The following ATP6V0A1 variants were observed in gnomAD, a reference collection of about 807,000 sequenced individuals.
The protein encoded by ATP6V0A1 is ATPase H+ transporting V0 subunit a1.
ATP6V0A1 carries 43 observed loss-of-function variants against 105.4 expected under a neutral mutation model. The observed-to-expected ratio is 0.41, with a 90% CI of 0.32 to 0.53. The LOEUF is 0.53. Among genes scored for constraint, ATP6V0A1 ranks in the 20% least tolerant of loss-of-function variants. ATP6V0A1 has a pLI of 0.30. For missense variants in ATP6V0A1, 676 were observed against 1,051.1 expected (o/e 0.64, Z 4.93); for synonymous variants, 362 against 372.8 (o/e 0.97, Z 0.33).
intron 21 of ATP6V0A1, among the ~76,000 whole-genome samples, chr17:42,516,984 A>G (rs1208933850): frequency 6.6e-6 from 1 of 152,226 alleles, no homozygotes; most frequent in Non-Finnish European, 1.5e-5. Flanking sequence ...CTCTGCTTAA[A>G]AGTGGGATGC....
At chr17:42,472,252 C>T (rs1419733982) in intron 5 of ATP6V0A1, among the ~76,000 whole-genome samples, 1 of 151,390 alleles carries the variant, frequency 6.6e-6, no homozygotes, top group Non-Finnish European at 1.5e-5. Flanking sequence ...CAGCGTTTCA[C>T]CATGTTGGCC....
At chr17:42,463,663 ATT>A in intron 2 of ATP6V0A1, among the ~76,000 whole-genome samples, 2 of 152,106 alleles carry the variant, frequency 1.3e-5, no homozygotes, top group Middle Eastern at 6.8e-3. Flanking sequence ...ACAAGTTTTG[ATT>A]TTTCTTAAGC....
At chr17:42,496,595 C>T (rs1206609478) in intron 14 of ATP6V0A1, 2 of 151,358 alleles carry the variant, frequency 1.3e-5, no homozygotes, top group African/African-American at 2.4e-5. Flanking sequence ...AATCCCAGCA[C>T]TTTGGGACAC....
intron 15 of ATP6V0A1, among the ~76,000 whole-genome samples, chr17:42,499,492 A>T (rs1222770157): frequency 6.6e-6 from 1 of 151,398 alleles, no homozygotes; most frequent in Non-Finnish European, 1.5e-5. Flanking sequence ...ATAAATAAAT[A>T]AATTTCATGG....
intron 15 of ATP6V0A1, among the ~76,000 whole-genome samples, chr17:42,499,619 T>C (rs2091497244): frequency 6.6e-6 from 1 of 151,734 alleles, no homozygotes; most frequent in East Asian, 1.9e-4. Context: ...AAACTCCGTC[T>C]CTACTAAAAA....
chr17:42,511,772 C>A (rs535654578), intron 19 of ATP6V0A1, among the ~76,000 whole-genome samples: 1 of 152,198 alleles, frequency 6.6e-6, no homozygotes, highest in East Asian at 1.9e-4. Flanking sequence ...GAGTTTGAGA[C>A]CAGCCTGGCC....
chr17:42,514,313 T>C lies in ATP6V0A1; in HGVS notation c.2273T>C (p.Met758Thr), dbSNP rs1386158952. The C allele has an allele frequency of 6.2e-7, 1 of 1,607,434 alleles. No homozygotes were observed. Among genetic ancestry groups the C allele is most frequent in the South Asian group, 1.1e-5 (1 of 89,986 alleles). The stretch of plus-strand genomic sequence containing the variant: ...GAGCTGTCTGAGGTGCTTTGGACCA[T>C]GGTGATCCACATCGGCCTGAGCGTG... ...HAQLSEVLWT[M>T]VIHIGLSVKS... Residue 758 changes from methionine (M) to threonine (T), a missense_variant, in exon 21 of 22, where the codon ATG becomes ACG. By Grantham distance (81) the Met-to-Thr change is moderately conservative (BLOSUM62 -1). Coordinates refer to ENST00000343619, the MANE Select transcript of ATP6V0A1 (RefSeq NM_001130021.3).
intron 21 of ATP6V0A1, among the ~76,000 whole-genome samples, chr17:42,516,981 T>G (rs1048727342): frequency 3.3e-5 from 5 of 152,174 alleles, no homozygotes; most frequent in African/African-American, 1.2e-4. Context: ...CTGCTCTGCT[T>G]AAAAGTGGGA....
intron 19 of ATP6V0A1, 95 bp downstream of exon 19, chr17:42,508,684 A>G: frequency 4.6e-6 from 7 of 1,526,794 alleles, no homozygotes; most frequent in Non-Finnish European, 6.4e-6. Context: ...CCCTGGGGCC[A>G]TACACATGAC....
intron 3 of ATP6V0A1, 90 bp downstream of exon 3, chr17:42,466,597 T>G (rs1158360111): frequency 8.7e-7 from 1 of 1,146,542 alleles, no homozygotes; most frequent in Non-Finnish European, 1.3e-6. Flanking sequence ...AGGAAGAAAA[T>G]GTTATAAGAG....
chr17:42,473,193 A>G (rs1247323067), intron 5 of ATP6V0A1, among the ~76,000 whole-genome samples: 4 of 152,214 alleles, frequency 2.6e-5, no homozygotes, highest in African/African-American at 4.8e-5. Context: ...TTCTTTCGCC[A>G]GTCCCTAATG....
intron 21 of ATP6V0A1, among the ~76,000 whole-genome samples, chr17:42,516,016 C>T (rs990709039): frequency 2.6e-5 from 4 of 151,960 alleles, no homozygotes; most frequent in African/African-American, 9.7e-5. Flanking sequence ...AAGTTCTGGC[C>T]CCTCTCCCCA....
At chr17:42,520,944 C>T (rs752705896) in intron 21 of ATP6V0A1, 83 bp from the exon 22 acceptor site, 17 of 1,237,274 alleles carry the variant, frequency 1.4e-5, no homozygotes, top group Non-Finnish European at 1.8e-5. Flanking sequence ...GGGCACGGGG[C>T]ATCTTTCCTG....
At chr17:42,477,562 G>T in intron 5 of ATP6V0A1, 98 bp from the exon 6 acceptor site, 3 of 1,236,316 alleles carry the variant, frequency 2.4e-6, no homozygotes, top group Non-Finnish European at 1.1e-6. Context: ...CTTATTTTCT[G>T]AACCTGTCTC....
At chr17:42,504,270 T>G (rs1467578116) in intron 17 of ATP6V0A1, among the ~76,000 whole-genome samples, 1 of 152,232 alleles carries the variant, frequency 6.6e-6, no homozygotes, top group East Asian at 1.9e-4. Context: ...GAGTGATATA[T>G]CACAGTTTAA....
At chr17:42,460,565 T>C (rs1269504232) in intron 1 of ATP6V0A1, 1 of 225,482 alleles carries the variant, frequency 4.4e-6, no homozygotes, top group Non-Finnish European at 9.1e-6. Flanking sequence ...CTGTCTTTAA[T>C]CTGGATACAT....
Position 42,477,565 on chromosome 17 carries a change from C to T in ATP6V0A1, c.424-95C>T, listed in dbSNP as rs935334910. The T allele has an allele frequency of 3.1e-4, 395 of 1,274,568 alleles. 3 individuals carry two copies. Among genetic ancestry groups the T allele is most frequent in the Middle Eastern group, 7.6e-4 (4 of 5,280 alleles). 79.0% of individuals were successfully genotyped at this position (1,274,568 alleles called of 1,614,324 possible). On this transcript the variant is annotated intron_variant, in intron 5 of 21. Transcript: ENST00000343619. ...TTCTTTTTCATCCTTATTTTCTGAA[C>T]CTGTCTCCTGGTTCCTCGTTGCCTG... is the stretch of plus-strand genomic sequence containing the variant.
chr17:42,461,032 G>T lies in ATP6V0A1; in HGVS notation c.117+21G>T, dbSNP rs367652271. The T allele has an allele frequency of 2.3e-5, 37 of 1,583,662 alleles. No homozygotes were observed. In the South Asian group the frequency reaches 4.0e-4, roughly 17 times the overall value. On this transcript the variant is annotated intron_variant, in intron 2 of 21. Coordinates refer to ENST00000343619, the MANE Select transcript of ATP6V0A1 (RefSeq NM_001130021.3). ...GTGACGTAAGTAGTTGTGGGGCTGC[G>T]ACTTGATTACTGCTGAACTCTATTG...
chr17:42,484,837 TTTTTC>T (rs940448030), intron 9 of ATP6V0A1, among the ~76,000 whole-genome samples: 2 of 137,548 alleles, frequency 1.5e-5, no homozygotes, highest in African/African-American at 5.4e-5. Flanking sequence ...TTCCATTTCT[TTTTTC>T]TTTTCTTTTC....
Sources: allele counts gnomAD v4.1 joint callset (sites outside exome capture counted in the v4.1 genomes callset), GRCh38; gene constraint gnomAD v4.1.1; transcripts MANE v1.5; gene names NCBI Gene and HGNC (gene_info 2026-07-23, HGNC 2026-07-21).